The following TBC1D9 variants were observed in gnomAD, a reference collection of about 807,000 sequenced individuals.
The protein encoded by TBC1D9 is TBC1 domain family member 9.
In TBC1D9, 63 loss-of-function variants were observed where a neutral mutation model predicts 132.0. The ratio of observed to expected loss-of-function variants is 0.48; its 90% CI spans 0.39 to 0.59. The LOEUF (loss-of-function observed/expected upper bound fraction) is 0.59, where lower values mean the gene tolerates loss of function less well. TBC1D9 is among the 20% of genes least tolerant of loss of function. The pLI, the probability that TBC1D9 is intolerant of heterozygous loss-of-function variation, is 0.00. For missense variants in TBC1D9, 1,261 were observed against 1,592.7 expected (o/e 0.79, Z 3.54); for synonymous variants, 610 against 609.9 (o/e 1.00, Z 0.00).
chr4:140,684,771 A>T (rs1428232238), intron 3 of TBC1D9, among the ~76,000 whole-genome samples: 3 of 151,336 alleles, frequency 2.0e-5, no homozygotes, highest in Admixed American at 6.6e-5. Context: ...CAGAGTTTGC[A>T]GTGAGCAGAG....
In TBC1D9 at chr4:140,726,724, C is replaced by T. The variant is rs904286645; in HGVS notation, c.131-25110G>A. Among the ~76,000 whole-genome samples, 12 of 152,272 alleles carry T rather than the reference C, an allele frequency of 7.9e-5. No homozygotes were observed. In the East Asian group the frequency reaches 1.7e-3, roughly 22 times the overall value. The stretch of plus-strand genomic sequence containing the variant: ...AGATTGTTTTGTTAAAACTAAATCA[C>T]GACTTGATCAGAAATGCTGTACAGA... On this transcript the variant is annotated intron_variant, in intron 1 of 20. Coordinates refer to ENST00000442267, the MANE Select transcript of TBC1D9 (RefSeq NM_015130.3).
chr4:140,654,430 T>A (rs991833402), intron 13 of TBC1D9, among the ~76,000 whole-genome samples: 1 of 126,584 alleles, frequency 7.9e-6, no homozygotes, highest in Admixed American at 9.7e-5. Context: ...TGCCTAGGCA[T>A]CTAACAAAAG....
intron 1 of TBC1D9, among the ~76,000 whole-genome samples, chr4:140,720,903 G>C (rs930270661): frequency 3.9e-5 from 6 of 152,212 alleles, no homozygotes; most frequent in Non-Finnish European, 7.3e-5. Context: ...CCAGCTCTTT[G>C]TGTGTGCGCC....
chr4:140,637,781 C>T (rs1736904464), intron 15 of TBC1D9, among the ~76,000 whole-genome samples: 1 of 152,192 alleles, frequency 6.6e-6, no homozygotes, highest in Non-Finnish European at 1.5e-5. Flanking sequence ...CCACTGTCCA[C>T]TCTGTTGATA....
rs565047637 is a variant in TBC1D9 at position 140,702,993 on chromosome 4, T to C, written c.131-1379A>G. Among the ~76,000 whole-genome samples the C allele has an allele frequency of 1.6e-4, 24 of 152,332 alleles. No individual in the cohort carries two copies. In the South Asian group the frequency reaches 5.0e-3, roughly 32 times the overall value. On this transcript the variant is annotated intron_variant, in intron 1 of 20. Coordinates refer to ENST00000442267, the MANE Select transcript of TBC1D9 (RefSeq NM_015130.3). ...ACTATTACTACCCCAGGATTGTTTTTGAAGACTGAAGGTAATAAGACTTAG... is the reference window on the plus strand; with the variant it reads ...ACTATTACTACCCCAGGATTGTTTTCGAAGACTGAAGGTAATAAGACTTAG...
intron 1 of TBC1D9, among the ~76,000 whole-genome samples, chr4:140,711,434 G>C (rs76313398): frequency 0.031 from 4,730 of 152,140 alleles, 224 homozygotes; most frequent in African/African-American, 0.1. Flanking sequence ...GGATACCTGG[G>C]GGCAATACCC....
At chr4:140,683,554 T>C (rs1737737943) in intron 3 of TBC1D9, among the ~76,000 whole-genome samples, 1 of 152,224 alleles carries the variant, frequency 6.6e-6, no homozygotes, top group Non-Finnish European at 1.5e-5. Context: ...TGGAAAATCC[T>C]ATTATATCAG....
chr4:140,725,355 G>T (rs905153517), intron 1 of TBC1D9, among the ~76,000 whole-genome samples: 2 of 152,172 alleles, frequency 1.3e-5, no homozygotes, highest in Admixed American at 6.5e-5. Flanking sequence ...GCACCTGATT[G>T]TGTGTTCAGA....
intron 1 of TBC1D9, among the ~76,000 whole-genome samples, chr4:140,730,815 G>A (rs1370491890): frequency 1.3e-5 from 2 of 152,202 alleles, no homozygotes; most frequent in Non-Finnish European, 2.9e-5. Context: ...ACGGTATGGA[G>A]CTGAGGCCCA....
At chr4:140,631,186 G>C (rs1381205855) in intron 16 of TBC1D9, among the ~76,000 whole-genome samples, 2 of 152,200 alleles carry the variant, frequency 1.3e-5, no homozygotes, top group African/African-American at 4.8e-5. Context: ...GTTGGAGAAA[G>C]AGATACAGCT....
chr4:140,622,992 G>GT, intron 20 of TBC1D9, 75 bp from the exon 21 acceptor site: 1 of 1,429,630 alleles, frequency 7.0e-7, no homozygotes, highest in Non-Finnish European at 9.1e-7. Flanking sequence ...GGACTGTAAA[G>GT]CCATTTAAAT....
rs903510821 is a variant in TBC1D9, at chr4:140,706,510, A to C, written c.131-4896T>G. Among the ~76,000 whole-genome samples, 3 of 152,216 alleles carry C rather than the reference A, an allele frequency of 2.0e-5. No individual in the cohort carries two copies. Among genetic ancestry groups the C allele is most frequent in the African/African-American group, 7.2e-5 (3 of 41,468 alleles). ...CAGGAAATTACAAAATACATGTACC[A>C]CTACTCTGACTTTTTTAACACTTTG... On this transcript the variant is annotated intron_variant, in intron 1 of 20. Transcript: ENST00000442267. The surrounding 1 kb of genome is among the most constrained non-coding windows in gnomAD (Gnocchi z 4.0).
At chr4:140,695,654 A>G (rs556479702) in intron 2 of TBC1D9, among the ~76,000 whole-genome samples, 1 of 152,138 alleles carries the variant, frequency 6.6e-6, no homozygotes, top group African/African-American at 2.4e-5. Context: ...TCATATAACC[A>G]ACCCTTCTTA....
intron 1 of TBC1D9, among the ~76,000 whole-genome samples, chr4:140,714,106 C>T (rs1237384684): frequency 6.6e-6 from 1 of 152,166 alleles, no homozygotes; most frequent in African/African-American, 2.4e-5. Flanking sequence ...AGCCTTTCAC[C>T]AGGGACTTTG....
At chr4:140,644,985 A>T (rs934863800) in intron 13 of TBC1D9, 20 of 463,226 alleles carry the variant, frequency 4.3e-5, no homozygotes, top group Non-Finnish European at 7.4e-5. Context: ...GGCAAGCCAC[A>T]TGGACATGCT....
chr4:140,649,656 TG>T (rs1737157238), intron 13 of TBC1D9, among the ~76,000 whole-genome samples: 1 of 152,058 alleles, frequency 6.6e-6, no homozygotes, highest in Non-Finnish European at 1.5e-5. Context: ...TTGACTTCTA[TG>T]GGGGTGGCGT....
chr4:140,687,344 A>T (rs1222977198), intron 2 of TBC1D9, among the ~76,000 whole-genome samples: 63 of 4,414 alleles, frequency 0.014, no homozygotes, highest in African/African-American at 0.059. Context: ...TGTGTGTGTC[A>T]TATATATATA....
At chr4:140,712,748 A>AATAGATAGATAGATAGATAGATAG (rs58318321) in intron 1 of TBC1D9, among the ~76,000 whole-genome samples, 1 of 146,260 alleles carries the variant, frequency 6.8e-6, no homozygotes, top group Non-Finnish European at 1.5e-5. Flanking sequence ...ATCTCAAAAA[A>AATAGATAGATAGATAGATAGATAG]ATAGATAGAT....
intron 9 of TBC1D9, among the ~76,000 whole-genome samples, chr4:140,664,280 A>G (rs996835521): frequency 1.7e-4 from 25 of 150,532 alleles, no homozygotes; most frequent in Middle Eastern, 3.4e-3. Flanking sequence ...CGGAATAAAT[A>G]TAACAAAACA....
Sources: gnomAD v4.1 joint callset for allele counts (sites outside exome capture counted in the v4.1 genomes callset) on GRCh38, gnomAD v4.1.1 for gene constraint, Gnocchi (gnomAD v3.1) non-coding constraint, MANE v1.5 for transcripts, NCBI Gene and HGNC (gene_info 2026-07-23, HGNC 2026-07-21) for gene names.